Variants in VWA8 observed in about 807,000 individuals in gnomAD.
VWA8 encodes the protein von Willebrand factor A domain containing 8, also known as von Willebrand factor A domain-containing protein 8.
VWA8 carries 221 observed loss-of-function variants against 241.5 expected under a neutral mutation model. That is an observed-to-expected ratio of 0.91 (90% confidence interval 0.82 to 1.02). VWA8 has a LOEUF of 1.02. Ranked by LOEUF, VWA8 falls within the 50% of genes least tolerant of loss-of-function variation. VWA8 has a pLI of 0.00. For synonymous variants in VWA8, 852 were observed against 827.1 expected (o/e 1.03, Z -0.52); for missense variants, 2,322 against 2,328.7 (o/e 1.00, Z 0.06).
At chr13:41,750,924 G>T (rs2045651533) in intron 21 of VWA8, among the ~76,000 whole-genome samples, 1 of 151,942 alleles carries the variant, frequency 6.6e-6, no homozygotes, top group Admixed American at 6.6e-5. Context: ...ACAGTACAGT[G>T]GTTAGAACAC....
intron 44 of VWA8, 187 bp from the exon 45 acceptor site, chr13:41,568,492 G>A: frequency 2.1e-6 from 1 of 474,310 alleles, no homozygotes; most frequent in Non-Finnish European, 3.7e-6. Context: ...AGAGCAACAA[G>A]GAAAGACACA....
chr13:41,731,908 G>C (rs1325066452), intron 22 of VWA8, among the ~76,000 whole-genome samples, 172 bp downstream of exon 22: 7 of 152,166 alleles, frequency 4.6e-5, no homozygotes, highest in Non-Finnish European at 1.0e-4. Flanking sequence ...ACGTAGAACT[G>C]TGAGTCCATT....
intron 18 of VWA8, among the ~76,000 whole-genome samples, 189 bp from the exon 19 acceptor site, chr13:41,784,090 A>AT (rs1306888684): frequency 6.6e-6 from 1 of 152,184 alleles, no homozygotes; most frequent in East Asian, 1.9e-4. Context: ...AAGGTAACAA[A>AT]TTTTCTTTAA....
chr13:41,598,668 G>A (rs1246237336), intron 40 of VWA8, among the ~76,000 whole-genome samples: 1 of 151,986 alleles, frequency 6.6e-6, no homozygotes, highest in Non-Finnish European at 1.5e-5. Flanking sequence ...TACTTTGGCT[G>A]TGCACAGAAT....
intron 24 of VWA8, among the ~76,000 whole-genome samples, chr13:41,726,433 G>GTT (rs1051622116): frequency 6.6e-6 from 1 of 152,136 alleles, no homozygotes; most frequent in Non-Finnish European, 1.5e-5. Flanking sequence ...ATAGAGAAGA[G>GTT]AAGTCCTTCT....
At chr13:41,949,353 T>G (rs1464493650) in intron 2 of VWA8, among the ~76,000 whole-genome samples, 1 of 152,170 alleles carries the variant, frequency 6.6e-6, no homozygotes, top group Non-Finnish European at 1.5e-5. Flanking sequence ...GAAACCATCA[T>G]TCTCAGAAAA....
intron 37 of VWA8, among the ~76,000 whole-genome samples, chr13:41,669,972 T>C (rs909067883): frequency 6.6e-5 from 10 of 152,194 alleles, no homozygotes; most frequent in Admixed American, 6.5e-4. Flanking sequence ...TTTGAGGTTT[T>C]CAAAATGTTC....
At chr13:41,600,584 T>TAAACATG (rs770932988) in intron 40 of VWA8, among the ~76,000 whole-genome samples, 182 of 152,254 alleles carry the variant, frequency 1.2e-3, no homozygotes, top group Non-Finnish European at 1.2e-3. Context: ...GATAGCCATA[T>TAAACATG]AAACATGAAA....
At chr13:41,847,934 A>T (rs776722496) in intron 12 of VWA8, among the ~76,000 whole-genome samples, 1 of 152,254 alleles carries the variant, frequency 6.6e-6, no homozygotes, top group Non-Finnish European at 1.5e-5. Flanking sequence ...TAAAAACTCT[A>T]TAAAGTAAAA....
At chr13:41,677,135 G>A (rs1433053829) in intron 35 of VWA8, among the ~76,000 whole-genome samples, 3 of 152,104 alleles carry the variant, frequency 2.0e-5, no homozygotes, top group Non-Finnish European at 4.4e-5. Flanking sequence ...CATGGGGATT[G>A]TGTTTTTTGG....
chr13:41,734,061 C>T (rs949422048), intron 21 of VWA8, among the ~76,000 whole-genome samples: 3 of 152,074 alleles, frequency 2.0e-5, no homozygotes, highest in African/African-American at 7.2e-5. Flanking sequence ...ACATTATGGC[C>T]GGGTGCAGTG....
chr13:41,874,833 T>C (rs1263533322), intron 9 of VWA8, among the ~76,000 whole-genome samples: 2 of 152,096 alleles, frequency 1.3e-5, no homozygotes, highest in East Asian at 1.9e-4. Flanking sequence ...TCTTTTCTCA[T>C]AGCCCCTCAG....
At chr13:41,823,815 A>C in intron 14 of VWA8, among the ~76,000 whole-genome samples, 1 of 152,214 alleles carries the variant, frequency 6.6e-6, no homozygotes, top group Non-Finnish European at 1.5e-5. Flanking sequence ...GTCTTGGTGA[A>C]GAATTACTAT....
chr13:41,747,103 A>G (rs1249307042), intron 21 of VWA8, among the ~76,000 whole-genome samples: 1 of 152,146 alleles, frequency 6.6e-6, no homozygotes, highest in African/African-American at 2.4e-5. Flanking sequence ...TTCCATATGA[A>G]CTTTAAAGCA....
rs532296102 is a variant in VWA8 at position 41,869,631 on chromosome 13, CAAAAAAAAAAAA to C, written c.1081-1166_1081-1155del. Among the ~76,000 whole-genome samples the C allele has an allele frequency of 5.0e-3, 202 of 40,310 alleles. 2 individuals are homozygous for C. The highest frequency in any genetic ancestry group is 0.019 in the African/African-American group (185 of 9,756). 26.4% of individuals were successfully genotyped at this position (40,310 alleles called of 152,430 possible). A position where few individuals can be genotyped will look rare whatever the true frequency, so the allele number is the denominator to read the frequency against. On this transcript the variant is annotated intron_variant, in intron 9 of 44. Coordinates refer to ENST00000379310, the MANE Select transcript of VWA8 (RefSeq NM_015058.2). ...GGGCAACAGAGCGAAAACTTTGTCT[CAAAAAAAAAAAA>C]AAAAAAAAAAAAAAAAAGGCTAGAA...
intron 41 of VWA8, 23 bp downstream of exon 41, chr13:41,590,617 G>A: frequency 6.2e-7 from 1 of 1,613,138 alleles, no homozygotes; most frequent in Non-Finnish European, 8.5e-7. Flanking sequence ...CAGAGCTGAG[G>A]CTAGCAGTTC....
At chr13:41,601,609 G>A (rs2044522006) in intron 40 of VWA8, among the ~76,000 whole-genome samples, 1 of 152,080 alleles carries the variant, frequency 6.6e-6, no homozygotes, top group African/African-American at 2.4e-5. Context: ...GAGCATGCAT[G>A]GTGCAATAAG....
chr13:41,723,784 TG>T (rs71096536), intron 24 of VWA8, among the ~76,000 whole-genome samples: 39,138 of 152,034 alleles, frequency 0.26, 5,897 homozygotes, highest in Non-Finnish European at 0.33. Context: ...GCTATTGAAC[TG>T]GAAGCTGGAT....
At chr13:41,673,257 G>A (rs1291272147) in intron 36 of VWA8, among the ~76,000 whole-genome samples, 5 of 152,142 alleles carry the variant, frequency 3.3e-5, no homozygotes, top group African/African-American at 1.2e-4. Flanking sequence ...CAAAAGTGAT[G>A]TATTCATTTT....
Sources: allele counts gnomAD v4.1 joint callset (sites outside exome capture counted in the v4.1 genomes callset), GRCh38; gene constraint gnomAD v4.1.1; transcripts MANE v1.5; gene names NCBI Gene and HGNC (gene_info 2026-07-23, HGNC 2026-07-21).